LRRC28: variants seen among roughly 807,000 people sequenced by gnomAD.
LRRC28 encodes leucine rich repeat containing 28, also known as leucine-rich repeat-containing protein 28.
LRRC28 carries 39 observed loss-of-function variants against 45.7 expected under a neutral mutation model. The observed-to-expected ratio is 0.85, with a 90% CI of 0.66 to 1.12. The LOEUF (loss-of-function observed/expected upper bound fraction) is 1.12, where lower values mean the gene tolerates loss of function less well. Ranked by LOEUF, LRRC28 falls within the 50% of genes most tolerant of loss-of-function variation. LRRC28 has a pLI of 0.00. For missense variants in LRRC28, 435 were observed against 438.5 expected, an observed-to-expected ratio of 0.99 and a Z score of 0.07; for synonymous variants, 206 against 178.8, an observed-to-expected ratio of 1.15 and a Z score of -1.22.
chr15:99,308,960 C>T (rs959043770), intron 5 of LRRC28, among the ~76,000 whole-genome samples: 15 of 152,306 alleles, frequency 9.8e-5, no homozygotes, highest in African/African-American at 3.6e-4. Flanking sequence ...AGAATTAATT[C>T]TACTAAGGAA....
chr15:99,305,023 C>T (rs1336475273), intron 5 of LRRC28, among the ~76,000 whole-genome samples: 10 of 152,068 alleles, frequency 6.6e-5, no homozygotes, highest in South Asian at 6.2e-4. Flanking sequence ...TGGACCTGCT[C>T]GCGTGCATCA....
In LRRC28 at chr15:99,264,875, G is replaced by A. The variant is rs559181035; in HGVS notation, c.168+8750G>A. The stretch of plus-strand genomic sequence containing the variant: ...AAAAGTCCAAGTTTCCTAAGAATGG[G>A]CTCCAGAGTACACATGGAAGGATTG... On this transcript the variant is annotated intron_variant, in intron 2 of 9. Coordinates refer to ENST00000301981, the MANE Select transcript of LRRC28 (RefSeq NM_144598.5). Among the ~76,000 whole-genome samples, 262 of 152,308 alleles carry A rather than the reference G, an allele frequency of 1.7e-3. 3 individuals carry two copies. Among genetic ancestry groups the A allele is most frequent in the African/African-American group, 6.1e-3 (255 of 41,568 alleles).
chr15:99,361,811 G>A (rs918461372), intron 8 of LRRC28, among the ~76,000 whole-genome samples: 1 of 152,154 alleles, frequency 6.6e-6, no homozygotes, highest in African/African-American at 2.4e-5. Context: ...GTTGTCAGTT[G>A]CAAAGCACGG....
intron 6 of LRRC28, among the ~76,000 whole-genome samples, chr15:99,348,480 C>G (rs944033965): frequency 1.3e-5 from 2 of 152,050 alleles, no homozygotes; most frequent in African/African-American, 4.8e-5. Context: ...CAATTTTATT[C>G]TTTTGCATGT....
rs117575872 is a variant in LRRC28, at chr15:99,353,227, T to A, written c.695+756T>A. The stretch of plus-strand genomic sequence containing the variant: ...TCCCTTCCCCACTTCAGCAGCCAAG[T>A]GAACACCCCGGGGGCAACCTAATCA... On this transcript the variant is annotated intron_variant, in intron 7 of 9. Transcript: ENST00000301981. Among the ~76,000 whole-genome samples the A allele has an allele frequency of 1.1e-4, 17 of 152,228 alleles. No homozygotes were observed. The East Asian group carries it at 2.1e-3, about 19-fold the overall frequency.
chr15:99,365,901 T>C (rs948176356), intron 9 of LRRC28, among the ~76,000 whole-genome samples: 1 of 152,258 alleles, frequency 6.6e-6, no homozygotes, highest in Non-Finnish European at 1.5e-5. Flanking sequence ...TCATGACTTT[T>C]GATCCTGTAG....
At chr15:99,293,212 C>T (rs745343399) in intron 5 of LRRC28, among the ~76,000 whole-genome samples, 6 of 152,096 alleles carry the variant, frequency 3.9e-5, no homozygotes, top group Non-Finnish European at 7.3e-5. Context: ...TTTTACCCTC[C>T]TCCTTTTGTA....
chr15:99,304,756 T>C (rs1955119611), intron 5 of LRRC28, among the ~76,000 whole-genome samples: 1 of 152,088 alleles, frequency 6.6e-6, no homozygotes. Context: ...CTTATATATA[T>C]TTCTTTATGT....
intron 9 of LRRC28, among the ~76,000 whole-genome samples, chr15:99,382,460 G>A (rs368273276): frequency 7.2e-5 from 11 of 152,208 alleles, no homozygotes; most frequent in South Asian, 2.1e-4. Context: ...TGGAACCGCC[G>A]AAAATTTGTT....
chr15:99,281,175 G>A (rs1285736596), intron 3 of LRRC28, among the ~76,000 whole-genome samples: 1 of 152,022 alleles, frequency 6.6e-6, no homozygotes, highest in Non-Finnish European at 1.5e-5. Context: ...GTACAGGCAT[G>A]CACCACCATG....
chr15:99,370,393 C>T (rs552868690), intron 9 of LRRC28, among the ~76,000 whole-genome samples: 3 of 152,192 alleles, frequency 2.0e-5, no homozygotes, highest in African/African-American at 7.2e-5. Flanking sequence ...CATATACACA[C>T]ATGCACACGT....
In LRRC28 at chr15:99,256,185, C is replaced by T. The variant is rs911102340; in HGVS notation, c.168+60C>T. The stretch of plus-strand genomic sequence containing the variant: ...TATACATGTGGTCCTGATCAAGATA[C>T]ATTTACATACCCTAAGGTATTCAGA... On this transcript the variant is annotated intron_variant, in intron 2 of 9. Coordinates refer to ENST00000301981, the MANE Select transcript of LRRC28 (RefSeq NM_144598.5). 9 of 1,388,418 alleles carry T rather than the reference C, an allele frequency of 6.5e-6. No individual in the cohort carries two copies. In the African/African-American group the frequency reaches 8.7e-5, roughly 13 times the overall value. 86.0% of individuals were successfully genotyped at this position (1,388,418 alleles called of 1,614,324 possible).
chr15:99,347,409 G>A lies in LRRC28; in HGVS notation c.593-4960G>A, dbSNP rs138198633. 2.6e-3 allele frequency among the ~76,000 whole-genome samples: 392 copies of A among 152,176 alleles called. 4 individuals are homozygous for A. Among genetic ancestry groups the A allele is most frequent in the African/African-American group, 8.7e-3 (363 of 41,532 alleles). On this transcript the variant is annotated intron_variant, in intron 6 of 9. Transcript: ENST00000301981. ...TATTTTTAGTAGAGACGGTTCCACC[G>A]TATTAGCCAGGATGGTCTTGATCTC...
intron 2 of LRRC28, among the ~76,000 whole-genome samples, chr15:99,272,175 AG>A (rs1451214016): frequency 1.3e-5 from 2 of 152,228 alleles, no homozygotes; most frequent in African/African-American, 2.4e-5. Context: ...GTTAGAAGCC[AG>A]GATGGAGCAG....
chr15:99,309,028 T>C (rs1481890386), intron 5 of LRRC28, among the ~76,000 whole-genome samples: 1 of 152,256 alleles, frequency 6.6e-6, no homozygotes, highest in Non-Finnish European at 1.5e-5. Context: ...GCTTTAGATA[T>C]ATAAACTTAG....
intron 6 of LRRC28, among the ~76,000 whole-genome samples, chr15:99,345,780 T>C (rs900242741): frequency 3.9e-5 from 6 of 152,190 alleles, no homozygotes; most frequent in African/African-American, 7.2e-5. Flanking sequence ...GTATGGTGAT[T>C]TAAATATCAC....
intron 2 of LRRC28, among the ~76,000 whole-genome samples, chr15:99,271,807 C>T (rs973023979): frequency 2.0e-5 from 3 of 152,108 alleles, no homozygotes; most frequent in South Asian, 2.1e-4. Context: ...CCATGTTGGT[C>T]GGGCTGGTCT....
intron 2 of LRRC28, among the ~76,000 whole-genome samples, chr15:99,264,670 T>C (rs151032644): frequency 3.6e-4 from 55 of 152,312 alleles, no homozygotes; most frequent in African/African-American, 1.3e-3. Context: ...GGCTGTGATA[T>C]GGGATGGGCA....
chr15:99,321,106 A>G (rs1005774157), intron 5 of LRRC28, among the ~76,000 whole-genome samples: 1 of 152,150 alleles, frequency 6.6e-6, no homozygotes, highest in Non-Finnish European at 1.5e-5. Flanking sequence ...TCTCAATATA[A>G]TTGATGGTAT....
Sources: gnomAD v4.1 joint callset for allele counts (sites outside exome capture counted in the v4.1 genomes callset) on GRCh38, gnomAD v4.1.1 for gene constraint, MANE v1.5 for transcripts, NCBI Gene and HGNC (gene_info 2026-07-23, HGNC 2026-07-21) for gene names.